GSTA5: variants seen among roughly 807,000 people sequenced by gnomAD.
GSTA5 encodes the protein glutathione S-transferase alpha 5, also known as glutathione S-transferase A5.
In GSTA5, 25 loss-of-function variants were observed where a neutral mutation model predicts 21.8. The ratio of observed to expected loss-of-function variants is 1.14; its 90% CI spans 0.83 to 1.60. The LOEUF (loss-of-function observed/expected upper bound fraction) is 1.60, where lower values mean the gene tolerates loss of function less well. GSTA5 is among the 40% of genes most tolerant of loss of function. GSTA5 has a pLI of 0.00. For missense variants in GSTA5, 330 were observed against 259.2 expected, an observed-to-expected ratio of 1.27 and a Z score of -1.88; for synonymous variants, 102 against 89.5, an observed-to-expected ratio of 1.14 and a Z score of -0.78.
upstream of GSTA5, among the ~76,000 whole-genome samples, chr6:52,845,427 T>G (rs1247563639): frequency 6.6e-6 from 1 of 152,026 alleles, no homozygotes; most frequent in Admixed American, 6.5e-5. Flanking sequence ...CCTCCTAGAG[T>G]GGGCCGGACA....
chr6:52,836,436 T>C, intron 2 of GSTA5, 68 bp from the exon 3 acceptor site: 1 of 1,491,368 alleles, frequency 6.7e-7, no homozygotes, highest in Middle Eastern at 1.8e-4. Flanking sequence ...ATGAAAAAAA[T>C]GGTTATGGAA....
intron 2 of GSTA5, among the ~76,000 whole-genome samples, chr6:52,837,127 T>C (rs532184214): frequency 3.5e-4 from 54 of 152,254 alleles, no homozygotes; most frequent in African/African-American, 1.2e-3. Flanking sequence ...AAGCCTGCAA[T>C]AGTGCCACAG....
At chr6:52,842,131 C>T (rs1379675392), upstream of GSTA5, among the ~76,000 whole-genome samples, 1 of 152,172 alleles carries the variant, frequency 6.6e-6, no homozygotes, top group Non-Finnish European at 1.5e-5. Flanking sequence ...AGCCCTTGCT[C>T]TATCCCAGGC....
In GSTA5 at chr6:52,834,136, C is replaced by T. The variant is rs1198129246; in HGVS notation, c.414+5G>A. 2 of 1,614,018 alleles carry T rather than the reference C, an allele frequency of 1.2e-6. No homozygotes were observed. The highest frequency in any genetic ancestry group is 3.3e-5 in the Admixed American group (2 of 60,004). On this transcript the variant is annotated splice_donor_5th_base_variant and intron_variant, in intron 4 of 5. Coordinates refer to ENST00000370989, the Ensembl canonical transcript of GSTA5. The stretch of plus-strand genomic sequence containing the variant: ...TTCCCCTAAACATTGAACAGCTTCA[C>T]TTACTTTTTCAAAGGCAGGGAAGTA...
rs115361971 is a variant in GSTA5 at position 52,833,964 on chromosome 6, T to A, written c.414+177A>T. Among the ~76,000 whole-genome samples the A allele has an allele frequency of 6.5e-3, 989 of 152,288 alleles. 13 individuals carry two copies. Among genetic ancestry groups the A allele is most frequent in the African/African-American group, 0.023 (952 of 41,544 alleles). On this transcript the variant is annotated intron_variant, in intron 4 of 5. Coordinates refer to ENST00000370989, the Ensembl canonical transcript of GSTA5. ...TGGAAAATCATAGCTTGGGTATAAG[T>A]GGTACAATTGTTCCTCCAAGTCTAT...
intron 3 of GSTA5, among the ~76,000 whole-genome samples, chr6:52,834,997 A>C (rs1426031583): frequency 6.6e-6 from 1 of 152,176 alleles, no homozygotes; most frequent in African/African-American, 2.4e-5. Context: ...TTTTTAAAAC[A>C]AGACCTTTAT....
chr6:52,831,744 T>C, exon 6 of GSTA5: 4 of 1,338,296 alleles, frequency 3.0e-6, no homozygotes, highest in East Asian at 2.4e-5. Flanking sequence ...GGAAAGAGTT[T>C]ATTAGCTTTA....
Position 52,840,097 on chromosome 6 carries a change from C to G in GSTA5, c.87+630G>C, listed in dbSNP as rs553987943. On this transcript the variant is annotated intron_variant, in intron 1 of 5. Transcript: ENST00000370989. ...CTCTCATTTATAGTTTGCATTTTAC[C>G]TCTAACTACAGCCATTTTTAAATAT... is the stretch of plus-strand genomic sequence containing the variant. 1.2e-4 allele frequency among the ~76,000 whole-genome samples: 18 copies of G among 152,316 alleles called. No individual in the cohort carries two copies. The South Asian group carries it at 3.7e-3, about 32-fold the overall frequency.
At chr6:52,837,779 T>C (rs1481125141) in intron 1 of GSTA5, among the ~76,000 whole-genome samples, 170 bp from the exon 2 acceptor site, 2 of 152,238 alleles carry the variant, frequency 1.3e-5, no homozygotes, top group South Asian at 2.1e-4. Flanking sequence ...CCTAATTCAT[T>C]GAGAAAAGTG....
the GSTA5 span, chr6:52,845,909 C>A: frequency 6.6e-6 from 1 of 152,528 alleles, no homozygotes. Context: ...ATAAACAATT[C>A]TTGAACTGTC....
At chr6:52,841,219 T>G (rs1764374008), upstream of GSTA5, among the ~76,000 whole-genome samples, 2 of 152,236 alleles carry the variant, frequency 1.3e-5, no homozygotes, top group Admixed American at 1.3e-4. Flanking sequence ...ATAGTCTCAT[T>G]AAATGGTTGT....
chr6:52,840,185 T>A (rs1764352402), intron 1 of GSTA5, among the ~76,000 whole-genome samples: 1 of 152,242 alleles, frequency 6.6e-6, no homozygotes, highest in Non-Finnish European at 1.5e-5. Context: ...CAGAAAAGCA[T>A]AAAAATTCTC....
exon 2 of GSTA5, chr6:52,837,570 T>G (rs1561926996): frequency 6.2e-7 from 1 of 1,606,784 alleles, no homozygotes; most frequent in East Asian, 2.2e-5. Context: ...TTTCTTAACT[T>G]GTCCAAATCT....
intron 1 of GSTA5, among the ~76,000 whole-genome samples, chr6:52,839,377 C>T (rs1387276931): frequency 6.6e-6 from 1 of 152,186 alleles, no homozygotes; most frequent in Non-Finnish European, 1.5e-5. Context: ...CCCTGAGCTG[C>T]AGAGCTGATG....
At chr6:52,843,312 T>C (rs1764408665), upstream of GSTA5, among the ~76,000 whole-genome samples, 1 of 152,232 alleles carries the variant, frequency 6.6e-6, no homozygotes, top group South Asian at 2.1e-4. Context: ...TTCTAGATCC[T>C]TGAGGAATTG....
chr6:52,834,420 T>A (rs1455465934), intron 3 of GSTA5, 138 bp from the exon 4 acceptor site: 12 of 737,486 alleles, frequency 1.6e-5, no homozygotes, highest in Non-Finnish European at 2.7e-5. Context: ...CGCTAGTCAT[T>A]ATGCTCTGAG....
chr6:52,842,624 CA>C (rs1764394536), upstream of GSTA5, among the ~76,000 whole-genome samples: 2 of 152,186 alleles, frequency 1.3e-5, no homozygotes, highest in African/African-American at 4.8e-5. Flanking sequence ...AGGCTGGTCT[CA>C]AACACCTGAC....
exon 5 of GSTA5, chr6:52,832,932 A>G (rs1764237490): frequency 1.2e-6 from 2 of 1,613,990 alleles, no homozygotes; most frequent in African/African-American, 1.3e-5. Flanking sequence ...CACCAGGTGA[A>G]TGTCAGCCCA....
rs138770775 is a variant in GSTA5 at position 52,836,566 on chromosome 6, C to T, written c.140-198G>A. ...TCACTCTGTCACCCAGGCTGGAGTG[C>T]AGTGGGACGATCTCAGCTCACTGTA... On this transcript the variant is annotated intron_variant, in intron 2 of 5. Transcript: ENST00000370989. Among the ~76,000 whole-genome samples the T allele has an allele frequency of 3.3e-3, 502 of 152,324 alleles. 3 individuals carry two copies. Among genetic ancestry groups the T allele is most frequent in the African/African-American group, 0.011 (475 of 41,564 alleles).
Sources: gnomAD v4.1 joint callset for allele counts (sites outside exome capture counted in the v4.1 genomes callset) on GRCh38, gnomAD v4.1.1 for gene constraint, MANE v1.5 for transcripts, NCBI Gene and HGNC (gene_info 2026-07-23, HGNC 2026-07-21) for gene names.